Variants in AMBRA1 observed in about 807,000 individuals in gnomAD.
The protein encoded by AMBRA1 is autophagy and beclin 1 regulator 1.
AMBRA1 carries 47 observed loss-of-function variants against 125.4 expected under a neutral mutation model. That is an observed-to-expected ratio of 0.37 (90% CI 0.30 to 0.48). The LOEUF (loss-of-function observed/expected upper bound fraction) is 0.48, where lower values mean the gene tolerates loss of function less well. Ranked by LOEUF, AMBRA1 falls within the 20% of genes least tolerant of loss-of-function variation. AMBRA1 has a pLI of 0.99. For missense variants in AMBRA1, 1,331 were observed against 1,693.4 expected, an observed-to-expected ratio of 0.79 and a Z score of 3.76; for synonymous variants, 626 against 655.5, an observed-to-expected ratio of 0.95 and a Z score of 0.69.
intron 14 of AMBRA1, among the ~76,000 whole-genome samples, chr11:46,420,035 G>C (rs1464622998): frequency 1.6e-4 from 1 of 6,380 alleles, no homozygotes; most frequent in Non-Finnish European, 4.5e-4. Context: ...TCCAGGTGTT[G>C]TGGTGCTGAG....
chr11:46,569,440 A>AAAAATATAT (rs1477022124), intron 1 of AMBRA1, among the ~76,000 whole-genome samples: 1 of 131,386 alleles, frequency 7.6e-6, no homozygotes, highest in Non-Finnish European at 1.6e-5. Flanking sequence ...AAAAAAAAAA[A>AAAAATATAT]ATATATATAT....
chr11:46,502,969 G>A (rs1950894754), intron 9 of AMBRA1, among the ~76,000 whole-genome samples: 1 of 147,616 alleles, frequency 6.8e-6, no homozygotes, highest in African/African-American at 2.5e-5. Flanking sequence ...GCTGAGGCAG[G>A]AGAATGGCAT....
intron 14 of AMBRA1, among the ~76,000 whole-genome samples, chr11:46,428,466 C>T (rs184044137): frequency 6.6e-6 from 1 of 152,144 alleles, no homozygotes; most frequent in Non-Finnish European, 1.5e-5. Flanking sequence ...CTTAGTCATC[C>T]CTTCTGCCAA....
rs78714510 is a variant in AMBRA1, at chr11:46,582,833, A to G, written c.-121+10995T>C. On this transcript the variant is annotated intron_variant, in intron 1 of 17. Transcript: ENST00000683756. ...TAAGGACTGGTTCTGATCAGAACCA[A>G]TATTTGCTAGATAAACAAAAGTCTG... is the stretch of plus-strand genomic sequence containing the variant. Among the ~76,000 whole-genome samples, 1,103 of 152,228 alleles carry G rather than the reference A, an allele frequency of 7.2e-3. 21 individuals are homozygous for G. The highest frequency in any genetic ancestry group is 0.025 in the African/African-American group (1,053 of 41,530).
chr11:46,530,004 G>T (rs1431110332), intron 7 of AMBRA1, among the ~76,000 whole-genome samples: 1 of 152,072 alleles, frequency 6.6e-6, no homozygotes, highest in Non-Finnish European at 1.5e-5. Context: ...TAATGGGCTG[G>T]GACCAATTAC....
chr11:46,423,221 T>C (rs1236663408), intron 14 of AMBRA1, among the ~76,000 whole-genome samples: 2 of 152,164 alleles, frequency 1.3e-5, no homozygotes, highest in Non-Finnish European at 2.9e-5. Flanking sequence ...TTTCTTCTTT[T>C]CCAGCTGTTG....
intron 11 of AMBRA1, among the ~76,000 whole-genome samples, chr11:46,482,407 T>G (rs1950104152): frequency 6.6e-6 from 1 of 152,216 alleles, no homozygotes. Flanking sequence ...AAAAGACTGT[T>G]GTGAACACTT....
chr11:46,530,388 C>A (rs2135127000), intron 7 of AMBRA1, among the ~76,000 whole-genome samples: 1 of 152,316 alleles, frequency 6.6e-6, no homozygotes, highest in Non-Finnish European at 1.5e-5. Flanking sequence ...GGCTGCCTGC[C>A]AAGCATACTG....
In AMBRA1 at chr11:46,541,399, C is replaced by T. The variant is rs1312345032; in HGVS notation, c.2072+546G>A. Among the ~76,000 whole-genome samples, 3 of 152,166 alleles carry T rather than the reference C, an allele frequency of 2.0e-5. No homozygotes were observed. In the East Asian group the frequency reaches 5.8e-4, roughly 29 times the overall value. On this transcript the variant is annotated intron_variant, in intron 7 of 17. Transcript: ENST00000683756. ...TATCTCTGAAAAAATTGGAATTTTTCTTGACATACATATATATACATATAT... is the reference window on the plus strand; with the variant it reads ...TATCTCTGAAAAAATTGGAATTTTTTTTGACATACATATATATACATATAT...
intron 14 of AMBRA1, among the ~76,000 whole-genome samples, chr11:46,422,319 A>G (rs1946884229): frequency 6.6e-6 from 1 of 152,170 alleles, no homozygotes; most frequent in African/African-American, 2.4e-5. Flanking sequence ...AATAGAATCA[A>G]TATGCTAGAA....
At chr11:46,482,741 T>A (rs1023654094) in intron 11 of AMBRA1, among the ~76,000 whole-genome samples, 1 of 152,194 alleles carries the variant, frequency 6.6e-6, no homozygotes, top group Admixed American at 6.5e-5. Flanking sequence ...CCAGGCGTAG[T>A]GGCTCACGCC....
intron 12 of AMBRA1, among the ~76,000 whole-genome samples, chr11:46,441,375 G>A (rs1947995295): frequency 6.7e-6 from 1 of 148,890 alleles, no homozygotes; most frequent in Non-Finnish European, 1.5e-5. Flanking sequence ...TTAGCTGGGT[G>A]TGGTGGCGTG....
chr11:46,495,654 C>A (rs1950603840), intron 9 of AMBRA1: 1 of 152,198 alleles, frequency 6.6e-6, no homozygotes, highest in African/African-American at 2.4e-5. Context: ...TCCTGACCAG[C>A]AGACTGCAGT....
chr11:46,416,793 TG>T (rs1307819395), intron 15 of AMBRA1, among the ~76,000 whole-genome samples: 1 of 152,222 alleles, frequency 6.6e-6, no homozygotes, highest in African/African-American at 2.4e-5. Flanking sequence ...TTTAGTCGGC[TG>T]GAACCTTGCA....
chr11:46,533,766 T>A (rs1325719856), intron 7 of AMBRA1, among the ~76,000 whole-genome samples: 1 of 152,180 alleles, frequency 6.6e-6, no homozygotes, highest in South Asian at 2.1e-4. Flanking sequence ...ACTCCACTTC[T>A]GATGGTTTCC....
At chr11:46,512,666 T>C (rs771949660) in intron 8 of AMBRA1, 61 bp downstream of exon 8, 1 of 1,395,210 alleles carries the variant, frequency 7.2e-7, no homozygotes, top group South Asian at 1.2e-5. Flanking sequence ...CTTCCAACAG[T>C]GTGGCAACCC....
chr11:46,412,163 C>G (rs1024778179), intron 15 of AMBRA1, among the ~76,000 whole-genome samples: 1 of 152,166 alleles, frequency 6.6e-6, no homozygotes, highest in Non-Finnish European at 1.5e-5. Flanking sequence ...GAATTGGTTC[C>G]AAGACCCCCT....
rs938016822 is a variant in AMBRA1, at chr11:46,508,105, C to G, written c.2339+86G>C. The G allele has an allele frequency of 2.2e-6, 3 of 1,389,464 alleles. No homozygotes were observed. In the African/African-American group the frequency reaches 4.3e-5, roughly 20 times the overall value. 86.1% of individuals were successfully genotyped at this position (1,389,464 alleles called of 1,614,324 possible). On this transcript the variant is annotated intron_variant, in intron 9 of 17. Transcript: ENST00000683756. The stretch of plus-strand genomic sequence containing the variant: ...TTGAGGAGTTGGGAGCAAGAACATC[C>G]ACCATTGTAGCTCCAACAGTGGCCA...
At chr11:46,541,236 A>T (rs1952721778) in intron 7 of AMBRA1, among the ~76,000 whole-genome samples, 1 of 152,208 alleles carries the variant, frequency 6.6e-6, no homozygotes, top group Non-Finnish European at 1.5e-5. Flanking sequence ...CCCATGAAAG[A>T]GTTGGCTAGG....
Sources: gnomAD v4.1 joint callset for allele counts (sites outside exome capture counted in the v4.1 genomes callset) on GRCh38, gnomAD v4.1.1 for gene constraint, MANE v1.5 for transcripts, NCBI Gene and HGNC (gene_info 2026-07-23, HGNC 2026-07-21) for gene names.